Variants in ERC2 observed in about 807,000 individuals in gnomAD.
ERC2 encodes the protein ELKS/RAB6-interacting/CAST family member 2, also known as ERC protein 2.
A neutral mutation model predicts 114.8 loss-of-function variants in ERC2; 42 were observed. The ratio of observed to expected loss-of-function variants is 0.37; its 90% CI spans 0.29 to 0.47. ERC2 has a LOEUF of 0.47. ERC2 is among the 20% of genes least tolerant of loss of function. ERC2 has a pLI of 0.99. For synonymous variants in ERC2, 454 were observed against 425.5 expected, an observed-to-expected ratio of 1.07 and a Z score of -0.82; for missense variants, 939 against 1,150.7, an observed-to-expected ratio of 0.82 and a Z score of 2.66.
chr3:56,001,003 TTA>T (rs559929487), intron 10 of ERC2, among the ~76,000 whole-genome samples: 76 of 149,504 alleles, frequency 5.1e-4, no homozygotes, highest in Middle Eastern at 3.4e-3. Context: ...GAATAGTTCA[TTA>T]TATGAGAAAA....
intron 13 of ERC2, among the ~76,000 whole-genome samples, chr3:55,893,033 G>T (rs1020773499): frequency 2.0e-5 from 3 of 152,114 alleles, no homozygotes; most frequent in African/African-American, 7.2e-5. Flanking sequence ...GCCCAATGGA[G>T]TCTGTATGTC....
At chr3:55,932,766 C>G (rs1382464767) in intron 13 of ERC2, among the ~76,000 whole-genome samples, 1 of 152,104 alleles carries the variant, frequency 6.6e-6, no homozygotes, top group Admixed American at 6.6e-5. Flanking sequence ...GATGACTGAG[C>G]CATCCTGGAA....
intron 14 of ERC2, among the ~76,000 whole-genome samples, chr3:55,754,623 T>A (rs2066934043): frequency 7.5e-6 from 1 of 132,900 alleles, no homozygotes; most frequent in African/African-American, 2.6e-5. Context: ...AAAATTTAAA[T>A]CTCACAAGAG....
chr3:55,738,437 C>T (rs1449222613), intron 14 of ERC2, among the ~76,000 whole-genome samples: 2 of 152,102 alleles, frequency 1.3e-5, no homozygotes, highest in South Asian at 2.1e-4. Flanking sequence ...GTTAAGCTTT[C>T]GGTCATCAAG....
At chr3:56,112,384 T>C (rs1183500107) in intron 6 of ERC2, among the ~76,000 whole-genome samples, 3 of 147,828 alleles carry the variant, frequency 2.0e-5, no homozygotes, top group Non-Finnish European at 1.5e-5. Context: ...TCCTGGGCCA[T>C]AGCACATCAA....
At chr3:55,672,891 A>G (rs1287297642) in intron 17 of ERC2, among the ~76,000 whole-genome samples, 4 of 152,130 alleles carry the variant, frequency 2.6e-5, no homozygotes, top group Non-Finnish European at 5.9e-5. Flanking sequence ...AGGCCCTCAC[A>G]TGAAAAAATG....
intron 17 of ERC2, among the ~76,000 whole-genome samples, chr3:55,637,340 C>T (rs2060000402): frequency 6.6e-6 from 1 of 152,208 alleles, no homozygotes; most frequent in African/African-American, 2.4e-5. Context: ...AAGGCATGAA[C>T]CAGAGCTGCT....
At chr3:55,962,140 G>GA (rs1559939601) in intron 12 of ERC2, among the ~76,000 whole-genome samples, 1 of 151,630 alleles carries the variant, frequency 6.6e-6, no homozygotes, top group South Asian at 2.1e-4. Context: ...GGTCAAAAAA[G>GA]AAAAAAAAGC....
At chr3:56,055,019 A>G (rs2075949874) in intron 7 of ERC2, among the ~76,000 whole-genome samples, 1 of 152,192 alleles carries the variant, frequency 6.6e-6, no homozygotes, top group South Asian at 2.1e-4. Context: ...CGGAAAGACA[A>G]TGCGCGTGTT....
At chr3:55,696,360 C>A (rs1034803306) in intron 16 of ERC2, among the ~76,000 whole-genome samples, 4 of 152,126 alleles carry the variant, frequency 2.6e-5, no homozygotes, top group Non-Finnish European at 4.4e-5. Context: ...GCCTTTAAGG[C>A]CACAGGAAGG....
At chr3:55,682,185 T>C (rs2062089265) in intron 17 of ERC2, among the ~76,000 whole-genome samples, 1 of 152,244 alleles carries the variant, frequency 6.6e-6, no homozygotes, top group African/African-American at 2.4e-5. Flanking sequence ...ATGTGACATT[T>C]CTCTTAATAT....
chr3:56,467,789 C>T (rs1352299096), intron 1 of ERC2, among the ~76,000 whole-genome samples: 1 of 151,818 alleles, frequency 6.6e-6, no homozygotes, highest in Non-Finnish European at 1.5e-5. Flanking sequence ...CACCCCCGGG[C>T]GGGGGCTCCA....
intron 7 of ERC2, among the ~76,000 whole-genome samples, chr3:56,058,508 C>T (rs1302318874): frequency 2.0e-5 from 3 of 152,280 alleles, no homozygotes; most frequent in East Asian, 1.9e-4. Flanking sequence ...GGCTGGACCA[C>T]GACACCAAGA....
At chr3:56,086,525 T>A (rs1387548846) in intron 6 of ERC2, among the ~76,000 whole-genome samples, 2 of 151,208 alleles carry the variant, frequency 1.3e-5, no homozygotes, top group Non-Finnish European at 2.9e-5. Flanking sequence ...AACTTTGACA[T>A]GAACCACAGG....
intron 2 of ERC2, among the ~76,000 whole-genome samples, chr3:56,386,730 T>C (rs751378862): frequency 2.0e-5 from 3 of 152,110 alleles, no homozygotes; most frequent in African/African-American, 7.2e-5. Context: ...ACCAGTGACA[T>C]TGGGAGACAC....
chr3:55,688,092 A>C (rs2148792105), intron 16 of ERC2, among the ~76,000 whole-genome samples: 1 of 152,274 alleles, frequency 6.6e-6, no homozygotes, highest in Admixed American at 6.5e-5. Context: ...CATGACTTGT[A>C]TTTATTATAA....
chr3:56,429,809 C>T (rs942381863), intron 2 of ERC2, among the ~76,000 whole-genome samples: 3 of 152,112 alleles, frequency 2.0e-5, no homozygotes, highest in African/African-American at 7.2e-5. Flanking sequence ...TGGTCACGGC[C>T]ACCTACTCAT....
chr3:56,464,280 G>T (rs1429960339), intron 1 of ERC2, among the ~76,000 whole-genome samples: 1 of 152,246 alleles, frequency 6.6e-6, no homozygotes, highest in Admixed American at 6.5e-5. Context: ...TAGTGAAAGT[G>T]ACATTTGCTC....
At chr3:55,563,258 C>T (rs67087162) in intron 17 of ERC2, among the ~76,000 whole-genome samples, 26,704 of 151,712 alleles carry the variant, frequency 0.18, 2,723 homozygotes, top group Middle Eastern at 0.26. Context: ...CTCTGCGTGG[C>T]CATCAGAATT....
Sources: gnomAD v4.1 joint callset for allele counts (sites outside exome capture counted in the v4.1 genomes callset) on GRCh38, gnomAD v4.1.1 for gene constraint, MANE v1.5 for transcripts, NCBI Gene and HGNC (gene_info 2026-07-23, HGNC 2026-07-21) for gene names.